TMEM204: variants seen among roughly 807,000 people sequenced by gnomAD.
The protein encoded by TMEM204 is transmembrane protein 204, also known as claudin-like protein 24.
In TMEM204, 15 loss-of-function variants were observed where a neutral mutation model predicts 19.4. The observed-to-expected ratio is 0.77, with a 90% CI of 0.52 to 1.19. The LOEUF is 1.19. Ranked by LOEUF, TMEM204 falls within the 50% of genes most tolerant of loss-of-function variation. TMEM204 has a pLI of 0.00. For synonymous variants in TMEM204, 161 were observed against 146.0 expected (o/e 1.10, Z -0.74); for missense variants, 287 against 321.2 (o/e 0.89, Z 0.81).
intron 2 of TMEM204, among the ~76,000 whole-genome samples, chr16:1,544,644 C>CTTTTTCTTT (rs1001305584): frequency 1.3e-5 from 2 of 151,612 alleles, no homozygotes; most frequent in Admixed American, 6.6e-5. Flanking sequence ...CACTGCATTT[C>CTTTTTCTTT]TTTTTCTTTT....
chr16:1,548,302 C>T (rs1412314748), intron 2 of TMEM204, among the ~76,000 whole-genome samples: 2 of 152,216 alleles, frequency 1.3e-5, no homozygotes, highest in African/African-American at 4.8e-5. Context: ...TGGGGTCTTT[C>T]CACTCTGCCA....
At chr16:1,536,829 C>A (rs1171954400) in intron 1 of TMEM204, among the ~76,000 whole-genome samples, 1 of 152,214 alleles carries the variant, frequency 6.6e-6, no homozygotes, top group Non-Finnish European at 1.5e-5. Context: ...CGGGGTGGCC[C>A]CTCTGTCCAC....
upstream of TMEM204, chr16:1,531,996 A>C (rs760432764): frequency 2.0e-5 from 3 of 152,228 alleles, no homozygotes; most frequent in African/African-American, 4.8e-5. The surrounding 1 kb of genome is among the most constrained non-coding windows in gnomAD (Gnocchi z 4.7). Context: ...GGAGGAAATA[A>C]ATTCTTCCCC....
intron 2 of TMEM204, among the ~76,000 whole-genome samples, chr16:1,548,604 A>G (rs1324241238): frequency 6.6e-6 from 1 of 152,206 alleles, no homozygotes; most frequent in Non-Finnish European, 1.5e-5. Flanking sequence ...AGTCTTCAGG[A>G]AACAGGACAA....
chr16:1,540,836 C>G (rs900034768), intron 1 of TMEM204: 8 of 985,384 alleles, frequency 8.1e-6, no homozygotes, highest in African/African-American at 1.7e-5. Context: ...CAATAGAAAA[C>G]AAGGCATGGC....
At chr16:1,550,669 G>A (rs1334370210) in intron 2 of TMEM204, among the ~76,000 whole-genome samples, 1 of 152,194 alleles carries the variant, frequency 6.6e-6, no homozygotes, top group Admixed American at 6.5e-5. Flanking sequence ...TTTGCTCCAT[G>A]GTTTAGCCTT....
chr16:1,530,586 C>A (rs1209639621), upstream of TMEM204: 1 of 152,020 alleles, frequency 6.6e-6, no homozygotes, highest in Non-Finnish European at 1.5e-5. Flanking sequence ...CCGTCCACAT[C>A]CAATTGCGGT....
In TMEM204 at chr16:1,553,024, T is replaced by C. The variant is rs1017834892; in HGVS notation, c.437-1758T>C. 6.8e-5 allele frequency: 67 copies of C among 985,282 alleles called. No individual in the cohort carries two copies. Among genetic ancestry groups the C allele is most frequent in the Non-Finnish European group, 8.0e-5 (66 of 829,928 alleles). The allele number at this position is 985,282 out of a possible 1,614,324, so 61.0% of individuals were successfully genotyped here. Reference sequence around the variant, plus strand: ...GTATAAGAAGCTCCATGAAGTATTATAAAGAATGAACACAGAAACCAGTCA... The same window carrying C: ...GTATAAGAAGCTCCATGAAGTATTACAAAGAATGAACACAGAAACCAGTCA... On this transcript the variant is annotated intron_variant, in intron 2 of 2. Coordinates refer to ENST00000566264, the MANE Select transcript of TMEM204 (RefSeq NM_024600.6). This position sits in a 1 kb window ranked among gnomAD's most constrained non-coding sequence, Gnocchi z 4.4.
chr16:1,545,438 G>C (rs1367651717), intron 2 of TMEM204, among the ~76,000 whole-genome samples: 1 of 152,226 alleles, frequency 6.6e-6, no homozygotes, highest in Non-Finnish European at 1.5e-5. Context: ...GCCCTGTTTA[G>C]ACTTGTTTCA....
chr16:1,541,880 C>A, intron 1 of TMEM204, 41 bp from the exon 2 acceptor site: 1 of 1,514,680 alleles, frequency 6.6e-7, no homozygotes, highest in Non-Finnish European at 8.9e-7. Context: ...CCTCTGGAGC[C>A]CACCTGCACT....
chr16:1,543,305 C>A (rs1367520738), intron 2 of TMEM204, among the ~76,000 whole-genome samples: 2 of 152,236 alleles, frequency 1.3e-5, no homozygotes, highest in Admixed American at 1.3e-4. Context: ...GATCCTGGGC[C>A]CTTATCTTTC....
rs2032834029 is a variant in TMEM204 at position 1,553,348 on chromosome 16, T to C, written c.437-1434T>C. On this transcript the variant is annotated intron_variant, in intron 2 of 2. Transcript: ENST00000566264. The surrounding 1 kb of genome is among the most constrained non-coding windows in gnomAD (Gnocchi z 4.4). ...TGTCCCTGTGTCTCTTTTTCTCCCA[T>C]CCTCTCTCGATGCTGGGGCCACACA... 1.0e-6 allele frequency: 1 copy of C among 985,238 alleles called. No homozygotes were observed. The highest frequency in any genetic ancestry group is 6.2e-5 in the Admixed American group (1 of 16,254). The allele number at this position is 985,238 out of a possible 1,614,324, so 61.0% of individuals were successfully genotyped here.
Position 1,555,246 on chromosome 16 carries a change from C to G in TMEM204, c.*220C>G. On this transcript the variant is annotated 3_prime_UTR_variant, in exon 3 of 3. Transcript: ENST00000566264. ...CCAACCTCGTTCTGCCTCCAGCTTT[C>G]CTGGTTAGCGCAACGCGGCTCCACG... 1 of 590,060 alleles carries G rather than the reference C, an allele frequency of 1.7e-6. No homozygotes were observed. Among genetic ancestry groups the G allele is most frequent in the Non-Finnish European group, 2.9e-6 (1 of 343,458 alleles). 36.6% of individuals were successfully genotyped at this position (590,060 alleles called of 1,614,324 possible).
At chr16:1,546,885 G>A (rs550712699) in intron 2 of TMEM204, among the ~76,000 whole-genome samples, 134 of 152,370 alleles carry the variant, frequency 8.8e-4, no homozygotes, top group African/African-American at 3.1e-3. Context: ...CCCCAGGGCA[G>A]CTGTGCTGTC....
chr16:1,555,247 C>G lies in TMEM204; in HGVS notation c.*221C>G. On this transcript the variant is annotated 3_prime_UTR_variant, in exon 3 of 3. Transcript: ENST00000566264. The stretch of plus-strand genomic sequence containing the variant: ...CAACCTCGTTCTGCCTCCAGCTTTC[C>G]TGGTTAGCGCAACGCGGCTCCACGA... 1.7e-6 allele frequency: 1 copy of G among 582,684 alleles called. No individual in the cohort carries two copies. The highest frequency in any genetic ancestry group is 3.0e-6 in the Non-Finnish European group (1 of 337,288). The allele number at this position is 582,684 out of a possible 1,614,324, so 36.1% of individuals were successfully genotyped here. A position where few individuals can be genotyped will look rare whatever the true frequency, so the allele number is the denominator to read the frequency against.
rs543338352 is a variant in TMEM204, at chr16:1,533,975, C to T, written c.-301C>T. On this transcript the variant is annotated 5_prime_UTR_variant, in exon 1 of 3. Coordinates refer to ENST00000566264, the MANE Select transcript of TMEM204 (RefSeq NM_024600.6). This position sits in a 1 kb window ranked among gnomAD's most constrained non-coding sequence, Gnocchi z 4.7. ...GCGGCACAGGCCGGCCTCCGCTTCC[C>T]GGGAAGACGGCGCACTCCTGGCCCT... 1.8e-5 allele frequency: 8 copies of T among 447,782 alleles called. No individual in the cohort carries two copies. Among genetic ancestry groups the T allele is most frequent in the Admixed American group, 4.4e-5 (1 of 22,938 alleles). The allele number at this position is 447,782 out of a possible 1,614,324, so 27.7% of individuals were successfully genotyped here.
At chr16:1,536,821 G>A (rs1405197669) in intron 1 of TMEM204, among the ~76,000 whole-genome samples, 1 of 152,166 alleles carries the variant, frequency 6.6e-6, no homozygotes, top group African/African-American at 2.4e-5. Context: ...CTCTCCCACG[G>A]GGTGGCCCCT....
intron 2 of TMEM204, among the ~76,000 whole-genome samples, chr16:1,542,523 C>G (rs2076446): frequency 6.6e-6 from 1 of 152,068 alleles, no homozygotes; most frequent in African/African-American, 2.4e-5. Flanking sequence ...AGCTAAGAGG[C>G]CTAGAACAGG....
Position 1,534,489 on chromosome 16 carries a change from G to A in TMEM204, c.214G>A (p.Asp72Asn). ...CAGAGCCGGCCAGGTGGACGCACAT[G>A]ACTGTGAGGCGCTGGGCTGGGGCTC... ...GARAGQVDAH[D>N]CEALGWGSEA... is the part of the protein sequence containing the mutation. Residue 72 changes from aspartate (D) to asparagine (N), a missense_variant, in exon 1 of 3, where the codon GAC becomes AAC. Transcript: ENST00000566264. The A allele has an allele frequency of 2.5e-6, 4 of 1,610,148 alleles. No homozygotes were observed. Among genetic ancestry groups the A allele is most frequent in the African/African-American group, 1.3e-5 (1 of 75,074 alleles).
Sources: gnomAD v4.1 joint callset for allele counts (sites outside exome capture counted in the v4.1 genomes callset) on GRCh38, gnomAD v4.1.1 for gene constraint, Gnocchi (gnomAD v3.1) non-coding constraint, MANE v1.5 for transcripts, NCBI Gene and HGNC (gene_info 2026-07-23, HGNC 2026-07-21) for gene names.